MUC5B: variants seen among roughly 807,000 people sequenced by gnomAD.
MUC5B encodes the protein mucin 5B, oligomeric mucus/gel-forming.
Under a neutral mutation model 376.9 loss-of-function variants are expected in MUC5B, and 116 were observed. That is an observed-to-expected ratio of 0.31 (90% confidence interval 0.26 to 0.36). The LOEUF is 0.36. Ranked by LOEUF, MUC5B falls within the 10% of genes least tolerant of loss-of-function variation. MUC5B has a pLI of 1.00. For missense variants in MUC5B, 7,165 were observed against 7,769.9 expected, an observed-to-expected ratio of 0.92 and a Z score of 2.93; for synonymous variants, 3,517 against 3,390.9, an observed-to-expected ratio of 1.04 and a Z score of -1.29.
chr11:1,258,882 A>AG lies in MUC5B; in HGVS notation c.16594-56dup. 3.2e-6 allele frequency: 5 copies of AG among 1,543,580 alleles called. No individual in the cohort carries two copies. On this transcript the variant is annotated intron_variant, in intron 43 of 48. Transcript: ENST00000529681. The surrounding 1 kb of genome is among the most constrained non-coding windows in gnomAD (Gnocchi z 5.5). Reference sequence around the variant, plus strand: ...CTGCAGGCCCCATTGGGTCATGGGGAGGGGTCCTGGCCCTGTTGCCCCACC... The same window carrying AG: ...CTGCAGGCCCCATTGGGTCATGGGGAGGGGGTCCTGGCCCTGTTGCCCCACC...
intron 46 of MUC5B, 105 bp from the exon 47 acceptor site, chr11:1,260,246 G>A: frequency 1.5e-6 from 2 of 1,362,600 alleles, no homozygotes; most frequent in Admixed American, 1.9e-5. Flanking sequence ...CCCCGCCCCT[G>A]CCCGGGAGGC....
At position 1,242,385 on chromosome 11, in the gene MUC5B, C is replaced by T. The variant is rs758941605; in HGVS notation, c.5505C>T (p.Tyr1835=). ...GCATAGAGTGCCGGGCGGAGAACTA[C>T]CCCGAGGTAAGCATCGACCAGGTCG... ...PKSIECRAEN[Y]PEVSIDQVGQ... The change falls in exon 31 of 49, where the codon TAC becomes TAT. Residue 1835 remains tyrosine, a synonymous_variant. Transcript: ENST00000529681. The T allele has an allele frequency of 2.7e-5, 44 of 1,613,912 alleles. No individual in the cohort carries two copies. In the East Asian group the frequency reaches 7.6e-4, roughly 28 times the overall value.
rs771226252 is a variant in MUC5B at position 1,249,303 on chromosome 11, C to T, written c.12423C>T (p.Ser4141=). 1.9e-5 allele frequency: 30 copies of T among 1,610,844 alleles called. No homozygotes were observed. The highest frequency in any genetic ancestry group is 2.5e-5 in the Non-Finnish European group (29 of 1,179,504). ...CCTGGTCAGAGTGGCTGGACTACAGCTACCCCATGCCGGGGCCCTCTGGCG... is the reference window on the plus strand; with the variant it reads ...CCTGGTCAGAGTGGCTGGACTACAGTTACCCCATGCCGGGGCCCTCTGGCG... The part of the protein sequence containing the change: ...QCAWSEWLDY[S]YPMPGPSGGD... The change falls in exon 31 of 49, where the codon AGC becomes AGT. Residue 4141 remains serine (S), a synonymous_variant. Transcript: ENST00000529681.
chr11:1,230,799 G>T, intron 12 of MUC5B, 137 bp from the exon 13 acceptor site: 3 of 1,102,250 alleles, frequency 2.7e-6, no homozygotes, highest in Non-Finnish European at 4.0e-6. Flanking sequence ...CAATTGCAGA[G>T]CCCACCGCAG....
In MUC5B at chr11:1,249,663, A is replaced by G. The variant is rs572674751; in HGVS notation, c.12783A>G (p.Ala4261=). 1,632 of 1,591,140 alleles carry G rather than the reference A, an allele frequency of 1.0e-3. 212 individuals are homozygous for G. Among genetic ancestry groups the G allele is most frequent in the African/African-American group, 6.0e-3 (443 of 73,978 alleles). ...TELTTTATTT[A]STGSTATPSS... ...TGACCACAACAGCCACTACGACTGCATCCACTGGATCCACGGCCACCCCGT... is the reference window on the plus strand; with the variant it reads ...TGACCACAACAGCCACTACGACTGCGTCCACTGGATCCACGGCCACCCCGT... The change falls in exon 31 of 49, where the codon GCA becomes GCG. Residue 4261 remains alanine, a synonymous_variant. Coordinates refer to ENST00000529681, the MANE Select transcript of MUC5B (RefSeq NM_002458.3).
chr11:1,252,735 A>G, intron 32 of MUC5B, 74 bp from the exon 33 acceptor site: 4 of 1,509,396 alleles, frequency 2.7e-6, no homozygotes, highest in Non-Finnish European at 3.6e-6. Flanking sequence ...GCTTTGGGCC[A>G]TGAGGGGTGG....
Position 1,246,818 on chromosome 11 carries a change from C to G in MUC5B, c.9938C>G (p.Thr3313Ser). The G allele has an allele frequency of 6.2e-7, 1 of 1,607,644 alleles. No homozygotes were observed. Among genetic ancestry groups the G allele is most frequent in the Non-Finnish European group, 8.5e-7 (1 of 1,175,396 alleles). Residue 3313 changes from threonine to serine, a missense_variant, in exon 31 of 49, where the codon ACC becomes AGC. Coordinates refer to ENST00000529681, the MANE Select transcript of MUC5B (RefSeq NM_002458.3). ...AHTTKVPTTT[T>S]TGFTATPSSS... ...ACTACCAAAGTGCCGACTACCACAACCACGGGCTTCACAGCCACCCCCTCC... is the reference window on the plus strand; with the variant it reads ...ACTACCAAAGTGCCGACTACCACAAGCACGGGCTTCACAGCCACCCCCTCC...
At chr11:1,260,564 C>T (rs1468595525) in intron 47 of MUC5B, 62 bp from the exon 48 acceptor site, 26 of 1,514,856 alleles carry the variant, frequency 1.7e-5, no homozygotes, top group Non-Finnish European at 2.2e-5. Flanking sequence ...GTCGGCCCAG[C>T]AAGTCCAGGC....
Position 1,260,677 on chromosome 11 carries a change from A to G in MUC5B, c.17018A>G (p.Glu5673Gly). Residue 5673 changes from glutamate (E) to glycine (G), a missense_variant, in exon 48 of 49, where the codon GAG becomes GGG. Transcript: ENST00000529681. ...NTTILWHQGC[E>G]TEVNITFCEG... ...ACCATCCTGTGGCACCAGGGCTGCG[A>G]GACCGAGGTCAACATCACCTTCTGC... The G allele has an allele frequency of 6.2e-7, 1 of 1,612,632 alleles. No individual in the cohort carries two copies. Among genetic ancestry groups the G allele is most frequent in the Non-Finnish European group, 8.5e-7 (1 of 1,179,794 alleles).
rs752900286 is a variant in MUC5B at position 1,250,735 on chromosome 11, A to T, written c.13855A>T (p.Ile4619Phe). ...GACGGCACTCACGCCTCCAGTGTGG[A>T]TCAGCACAACCACCACACCCACAAC... Reference protein sequence around the residue: ...PGTALTPPVWISTTTTPTTTT... With the variant: ...PGTALTPPVWFSTTTTPTTTT... The change falls in exon 31 of 49, where the codon ATC becomes TTC. Residue 4619 changes from isoleucine (I) to phenylalanine (F), a missense_variant. Transcript: ENST00000529681. 6.2e-7 allele frequency: 1 copy of T among 1,612,018 alleles called. No homozygotes were observed. The highest frequency in any genetic ancestry group is 1.7e-5 in the Admixed American group (1 of 59,964).
rs548841950 is a variant in MUC5B at position 1,252,998 on chromosome 11, C to T, written c.15217+18C>T. 25 of 1,612,032 alleles carry T rather than the reference C, an allele frequency of 1.6e-5. No individual in the cohort carries two copies. Among genetic ancestry groups the T allele is most frequent in the East Asian group, 4.5e-5 (2 of 44,870 alleles). ...GTGCGAGTGTGAGTGCGTCGGTGGC[C>T]GCGGGATTACCCCGGGGGCAGGTGG... On this transcript the variant is annotated intron_variant, in intron 33 of 48. Coordinates refer to ENST00000529681, the MANE Select transcript of MUC5B (RefSeq NM_002458.3).
In MUC5B at chr11:1,245,412, A is replaced by C; in HGVS notation, c.8532A>C (p.Thr2844=). 1 of 1,557,634 alleles carries C rather than the reference A, an allele frequency of 6.4e-7. No individual in the cohort carries two copies. Among genetic ancestry groups the C allele is most frequent in the East Asian group, 2.3e-5 (1 of 43,834 alleles). ...RATSRTTATA[T]PSKTRTSTLL... ...CCTCCAGGACCACGGCCACGGCCAC[A>C]CCCAGCAAGACCCGCACCTCGACCC... Residue 2844 remains threonine (T), a synonymous_variant, in exon 31 of 49, where the codon ACA becomes ACC. Transcript: ENST00000529681.
Position 1,251,526 on chromosome 11 carries a change from C to T in MUC5B, c.14646C>T (p.Thr4882=), listed in dbSNP as rs2133844993. ...GTAHTPKVVT[T]MATMPTATAS... is the part of the protein sequence containing the mutation. ...CTCACACCCCCAAAGTGGTGACCAC[C>T]ATGGCCACTATGCCCACAGCCACTG... The change falls in exon 31 of 49, where the codon ACC becomes ACT. Residue 4882 remains threonine, a synonymous_variant. Transcript: ENST00000529681. The T allele has an allele frequency of 6.3e-7, 1 of 1,589,100 alleles. No homozygotes were observed. Among genetic ancestry groups the T allele is most frequent in the East Asian group, 2.2e-5 (1 of 44,878 alleles).
Position 1,243,106 on chromosome 11 carries a change from T to G in MUC5B, c.6226T>G (p.Trp2076Gly). Reference sequence around the variant, plus strand: ...AGGGACGGCACTCACGCCTCCAGTGTGGATCAGCACAACCACCACACCCAC... The same window carrying G: ...AGGGACGGCACTCACGCCTCCAGTGGGGATCAGCACAACCACCACACCCAC... ...SPGTALTPPV[W>G]ISTTTTPTTR... is the part of the protein sequence containing the mutation. The change falls in exon 31 of 49, where the codon TGG becomes GGG. Residue 2076 changes from tryptophan (W) to glycine (G), a missense_variant. Transcript: ENST00000529681. 1.9e-6 allele frequency: 3 copies of G among 1,594,022 alleles called. No individual in the cohort carries two copies. Among genetic ancestry groups the G allele is most frequent in the Non-Finnish European group, 2.6e-6 (3 of 1,165,846 alleles).
chr11:1,244,382 C>T lies in MUC5B; in HGVS notation c.7502C>T (p.Thr2501Met), dbSNP rs776811641. 4.3e-5 allele frequency: 68 copies of T among 1,595,780 alleles called. No homozygotes were observed. The highest frequency in any genetic ancestry group is 2.4e-4 in the South Asian group (22 of 90,508). Residue 2501 changes from threonine (T) to methionine (M), a missense_variant, in exon 31 of 49, where the codon ACG becomes ATG. Physicochemically the swap from Thr to Met is moderately conservative, Grantham distance 81 (BLOSUM62 -1). Transcript: ENST00000529681. ...AGTPHVSTTATTPTVTSSKAT... is the reference protein window; with the variant it reads ...AGTPHVSTTAMTPTVTSSKAT... ...ACCCCACATGTGAGCACCACGGCCACGACACCCACAGTCACCAGCTCCAAA... is the reference window on the plus strand; with the variant it reads ...ACCCCACATGTGAGCACCACGGCCATGACACCCACAGTCACCAGCTCCAAA...
In MUC5B at chr11:1,232,000, G is replaced by A; in HGVS notation, c.1683G>A (p.Leu561=). The change falls in exon 15 of 49, where the codon CTG becomes CTA. Residue 561 remains leucine (L), a synonymous_variant. Transcript: ENST00000529681. ...TCCCCCAACCCTGGCCCCCAGGCCT[G>A]TGTGGGAACTTCAACCAGAACCAGG... is the stretch of plus-strand genomic sequence containing the variant. ...DPAHQGQMCG[L]CGNFNQNQAD... 1 of 1,612,666 alleles carries A rather than the reference G, an allele frequency of 6.2e-7. No individual in the cohort carries two copies. The highest frequency in any genetic ancestry group is 8.5e-7 in the Non-Finnish European group (1 of 1,179,790).
intron 25 of MUC5B, among the ~76,000 whole-genome samples, chr11:1,238,142 C>T (rs1252460448): frequency 6.6e-6 from 1 of 152,228 alleles, no homozygotes; most frequent in Non-Finnish European, 1.5e-5. Context: ...GGGGTGTGGG[C>T]TGCCTGGAGG....
At chr11:1,256,489 GC>G (rs1862839362) in intron 38 of MUC5B, 181 bp from the exon 39 acceptor site, 3 of 77,342 alleles carry the variant, frequency 3.9e-5, no homozygotes. Flanking sequence ...CCCATACTTA[GC>G]CCCGCCCACC....
Position 1,227,139 on chromosome 11 carries a change from T to C in MUC5B, c.570T>C (p.Ser190=). The C allele has an allele frequency of 6.2e-7, 1 of 1,610,774 alleles. No individual in the cohort carries two copies. The highest frequency in any genetic ancestry group is 1.1e-5 in the South Asian group (1 of 90,980). The change falls in exon 5 of 49, where the codon AGT becomes AGC. Residue 190 remains serine (S), a synonymous_variant. Coordinates refer to ENST00000529681, the MANE Select transcript of MUC5B (RefSeq NM_002458.3). ...CATTCCTGTGGAACGGAGAGGACAG[T>C]GCCCTGGTGAGGAAGCCCCCTCGCC... The part of the protein sequence containing the change: ...VLTFLWNGED[S]ALLELDPKYA...
Sources: gnomAD v4.1 joint callset for allele counts (sites outside exome capture counted in the v4.1 genomes callset) on GRCh38, gnomAD v4.1.1 for gene constraint, Gnocchi (gnomAD v3.1) non-coding constraint, MANE v1.5 for transcripts, NCBI Gene and HGNC (gene_info 2026-07-23, HGNC 2026-07-21) for gene names.